The following MLIP variants were observed in gnomAD, a reference collection of about 807,000 sequenced individuals.
MLIP encodes muscular LMNA-interacting protein.
MLIP carries 79 observed loss-of-function variants against 84.8 expected under a neutral mutation model. The observed-to-expected ratio is 0.93, with a 90% CI of 0.78 to 1.12. The LOEUF is 1.12. Among genes scored for constraint, MLIP ranks in the 50% most tolerant of loss-of-function variants. MLIP has a pLI of 0.00. For synonymous variants in MLIP, 504 were observed against 463.0 expected (o/e 1.09, Z -1.14); for missense variants, 1,257 against 1,160.6 (o/e 1.08, Z -1.21).
At chr6:54,138,392 A>G (rs950277135) in intron 4 of MLIP, 106 bp downstream of exon 4, 2 of 1,310,584 alleles carry the variant, frequency 1.5e-6, no homozygotes, top group Non-Finnish European at 2.0e-6. Flanking sequence ...TTGTACTCCT[A>G]CAAGGAGGAA....
intron 12 of MLIP, among the ~76,000 whole-genome samples, chr6:54,246,721 T>C (rs920134320): frequency 6.6e-6 from 1 of 152,162 alleles, no homozygotes; most frequent in Admixed American, 6.6e-5. Context: ...TTAAAATGTA[T>C]TTAACCTTGT....
At chr6:54,256,676 C>T (rs897607571) in intron 12 of MLIP, among the ~76,000 whole-genome samples, 28 of 152,094 alleles carry the variant, frequency 1.8e-4, no homozygotes, top group African/African-American at 6.0e-4. Context: ...TCAGAAGACC[C>T]ACATAGCAAT....
chr6:54,150,750 A>G (rs1773357487), intron 5 of MLIP, among the ~76,000 whole-genome samples: 1 of 152,158 alleles, frequency 6.6e-6, no homozygotes, highest in African/African-American at 2.4e-5. Context: ...TGTTTCCAGA[A>G]TCTCTGTCTG....
chr6:54,024,299 A>G (rs1763675709), intron 1 of MLIP, among the ~76,000 whole-genome samples: 1 of 152,264 alleles, frequency 6.6e-6, no homozygotes, highest in Non-Finnish European at 1.5e-5. Flanking sequence ...GGTGTGAGCC[A>G]CCATGCCCAG....
intron 11 of MLIP, among the ~76,000 whole-genome samples, chr6:54,228,771 A>G (rs1476978815): frequency 6.6e-6 from 1 of 152,236 alleles, no homozygotes; most frequent in African/African-American, 2.4e-5. Flanking sequence ...GCCTGAGTAT[A>G]AGCCAGAGAC....
At chr6:54,210,702 G>A (rs1230024362) in intron 11 of MLIP, among the ~76,000 whole-genome samples, 2 of 123,298 alleles carry the variant, frequency 1.6e-5, no homozygotes, top group African/African-American at 5.9e-5. Context: ...GCCCCTGTGT[G>A]CATTTACAAT....
At chr6:54,021,962 A>T (rs1283079919) in intron 1 of MLIP, among the ~76,000 whole-genome samples, 1 of 152,232 alleles carries the variant, frequency 6.6e-6, no homozygotes, top group African/African-American at 2.4e-5. Context: ...CTGCTAGATG[A>T]CAATAAAGCT....
At chr6:54,185,777 GA>G (rs1777333139) in intron 9 of MLIP, among the ~76,000 whole-genome samples, 1 of 151,854 alleles carries the variant, frequency 6.6e-6, no homozygotes, top group African/African-American at 2.4e-5. Flanking sequence ...ATTGCAATAA[GA>G]AAAAATTGTT....
At chr6:54,130,080 T>C (rs144589527) in intron 3 of MLIP, among the ~76,000 whole-genome samples, 537 of 152,262 alleles carry the variant, frequency 3.5e-3, no homozygotes, top group Admixed American at 0.011. Flanking sequence ...CCTTTCATAG[T>C]GAATGAGACT....
intron 10 of MLIP, among the ~76,000 whole-genome samples, chr6:54,190,456 A>G (rs912808930): frequency 6.6e-6 from 1 of 152,202 alleles, no homozygotes; most frequent in African/African-American, 2.4e-5. Context: ...TAATTTTCAT[A>G]AAATATTTTA....
At chr6:54,215,176 G>GAC in intron 11 of MLIP, 4 of 1,535,544 alleles carry the variant, frequency 2.6e-6, no homozygotes, top group Non-Finnish European at 3.5e-6. Context: ...CAACGGAAGT[G>GAC]ACACGTCTGG....
chr6:54,113,025 A>G (rs1769599825), intron 1 of MLIP, among the ~76,000 whole-genome samples: 1 of 152,202 alleles, frequency 6.6e-6, no homozygotes, highest in Non-Finnish European at 1.5e-5. Context: ...TTGAAGAAAT[A>G]AATTTTCATC....
chr6:54,135,989 G>A (rs897402683), intron 3 of MLIP, among the ~76,000 whole-genome samples: 1 of 152,152 alleles, frequency 6.6e-6, no homozygotes, highest in South Asian at 2.1e-4. Flanking sequence ...TAAAGTGTTC[G>A]GGCTTCTTTT....
rs568913640 is a variant in MLIP, at chr6:54,102,719, G to A, written c.64-18728G>A. On this transcript the variant is annotated intron_variant, in intron 1 of 12. Coordinates refer to the MLIP transcript ENST00000274897. ...ATGCAACCATTTACTTAAGAAATGT[G>A]TATTGACCTCCTACTATGTGACAGG... Among the ~76,000 whole-genome samples the A allele has an allele frequency of 6.6e-5, 10 of 152,248 alleles. No homozygotes were observed. The South Asian group carries it at 1.9e-3, about 28-fold the overall frequency.
At chr6:54,161,225 A>T (rs926362367) in intron 8 of MLIP, among the ~76,000 whole-genome samples, 1 of 151,970 alleles carries the variant, frequency 6.6e-6, no homozygotes, top group Non-Finnish European at 1.5e-5. Context: ...AATGAAGTAG[A>T]CTAAAGTAAA....
intron 11 of MLIP, among the ~76,000 whole-genome samples, chr6:54,203,361 T>C (rs1425718078): frequency 6.6e-6 from 1 of 152,124 alleles, no homozygotes; most frequent in African/African-American, 2.4e-5. Flanking sequence ...TGTAAGATCA[T>C]CATATTTTAT....
chr6:54,181,500 G>T (rs1776865860), intron 9 of MLIP, among the ~76,000 whole-genome samples: 1 of 152,178 alleles, frequency 6.6e-6, no homozygotes, highest in Non-Finnish European at 1.5e-5. Context: ...CCTGTTTGTT[G>T]CTCTACCTCC....
intron 1 of MLIP, among the ~76,000 whole-genome samples, chr6:54,043,026 CA>C (rs1426969697): frequency 2.0e-5 from 3 of 152,084 alleles, no homozygotes; most frequent in Non-Finnish European, 2.9e-5. Flanking sequence ...AAACTGTAGG[CA>C]AAAGTCTCAA....
intron 9 of MLIP, among the ~76,000 whole-genome samples, chr6:54,181,450 A>T (rs1776860813): frequency 6.6e-6 from 1 of 152,072 alleles, no homozygotes; most frequent in Non-Finnish European, 1.5e-5. Context: ...TCCAGAAATG[A>T]TGTCTAAGAG....
Sources: gnomAD v4.1 joint callset for allele counts (sites outside exome capture counted in the v4.1 genomes callset) on GRCh38, gnomAD v4.1.1 for gene constraint, MANE v1.5 for transcripts, NCBI Gene and HGNC (gene_info 2026-07-23, HGNC 2026-07-21) for gene names.